The following VWA3B variants were observed in gnomAD, a reference collection of about 807,000 sequenced individuals.
VWA3B encodes von Willebrand factor A domain-containing protein 3B.
A neutral mutation model predicts 158.3 loss-of-function variants in VWA3B; 138 were observed. The ratio of observed to expected loss-of-function variants is 0.87; its 90% CI spans 0.76 to 1.00. The LOEUF is 1.00. Among genes scored for constraint, VWA3B ranks in the 50% least tolerant of loss-of-function variants. VWA3B has a pLI of 0.00. For synonymous variants in VWA3B, 596 were observed against 587.3 expected, an observed-to-expected ratio of 1.01 and a Z score of -0.21; for missense variants, 1,555 against 1,565.1, an observed-to-expected ratio of 0.99 and a Z score of 0.11.
intron 7 of VWA3B, among the ~76,000 whole-genome samples, chr2:98,160,007 TA>T (rs201978512): frequency 0.018 from 2,552 of 138,182 alleles, 48 homozygotes; most frequent in African/African-American, 0.054. Flanking sequence ...AAGAATCCAT[TA>T]AAAAAAAAAA....
chr2:98,261,680 T>C (rs1687488694), intron 21 of VWA3B, among the ~76,000 whole-genome samples: 1 of 151,764 alleles, frequency 6.6e-6, no homozygotes, highest in African/African-American at 2.4e-5. Context: ...AGATAGAGAA[T>C]TCTTGACTGA....
intron 21 of VWA3B, among the ~76,000 whole-genome samples, chr2:98,263,425 T>G (rs1464955720): frequency 6.6e-6 from 1 of 152,070 alleles, no homozygotes. Flanking sequence ...TTAGTATTCC[T>G]AGTTTGCTGA....
Position 98,194,477 on chromosome 2 carries a change from G to T in VWA3B, c.1722G>T (p.Trp574Cys). ...NEDNLEQAQS[W>C]IRDIKIGSST... The stretch of plus-strand genomic sequence containing the variant: ...ATAATTTGGAACAGGCTCAGTCCTG[G>T]ATTAGAGACATAAAGGTAAGTTGGA... The change falls in exon 12 of 28, where the codon TGG (tryptophan) becomes TGT (cysteine). Residue 574 changes from tryptophan (W) to cysteine (C), a missense_variant. Transcript: ENST00000477737. The T allele has an allele frequency of 6.2e-7, 1 of 1,613,954 alleles. No individual in the cohort carries two copies. Among genetic ancestry groups the T allele is most frequent in the Middle Eastern group, 1.6e-4 (1 of 6,062 alleles).
At chr2:98,296,224 G>T (rs10174263) in intron 23 of VWA3B, among the ~76,000 whole-genome samples, 1 of 152,232 alleles carries the variant, frequency 6.6e-6, no homozygotes, top group Non-Finnish European at 1.5e-5. Context: ...ACATGGGCCA[G>T]TGTGGCTGTA....
intron 7 of VWA3B, among the ~76,000 whole-genome samples, chr2:98,162,199 T>C (rs1323242775): frequency 7.0e-6 from 1 of 143,402 alleles, no homozygotes; most frequent in Admixed American, 6.9e-5. Flanking sequence ...TGCTGATCTG[T>C]TAGAGCCTGG....
intron 1 of VWA3B, among the ~76,000 whole-genome samples, chr2:98,092,675 C>CAAA: frequency 6.6e-6 from 1 of 151,554 alleles, no homozygotes; most frequent in African/African-American, 2.4e-5. Context: ...ACAACAACAA[C>CAAA]AACAAAGTAA....
Position 98,182,180 on chromosome 2 carries a change from A to T in VWA3B, c.1311+968A>T, listed in dbSNP as rs144403164. On this transcript the variant is annotated intron_variant, in intron 9 of 27. Transcript: ENST00000477737. ...AGGAGACACCTGGGAAAGAAAATCA[A>T]GGCCCCCCCCTCAAATGCAGTGTCA... 4.6e-3 allele frequency among the ~76,000 whole-genome samples: 703 copies of T among 152,308 alleles called. 4 individuals are homozygous for T. Among genetic ancestry groups the T allele is most frequent in the African/African-American group, 0.016 (668 of 41,556 alleles).
chr2:98,260,978 T>A (rs1464990275), intron 21 of VWA3B, among the ~76,000 whole-genome samples: 1 of 151,796 alleles, frequency 6.6e-6, no homozygotes, highest in Non-Finnish European at 1.5e-5. Context: ...TTTACCTCAT[T>A]CTGCCAGTCT....
chr2:98,133,874 C>T lies in VWA3B; in HGVS notation c.923C>T (p.Ser308Phe), dbSNP rs1395415850. The T allele has an allele frequency of 1.9e-6, 3 of 1,614,084 alleles. No individual in the cohort carries two copies. Among genetic ancestry groups the T allele is most frequent in the Non-Finnish European group, 2.5e-6 (3 of 1,180,026 alleles). Residue 308 changes from serine (S) to phenylalanine (F), a missense_variant, in exon 7 of 28, where the codon TCC (serine) becomes TTC (phenylalanine). Ser to Phe is a radical substitution (Grantham distance 155). Coordinates refer to ENST00000477737, the MANE Select transcript of VWA3B (RefSeq NM_144992.5). ...RTECVEFPAF[S>F]TKDGDNVMTW... Reference sequence around the variant, plus strand: ...GAGTGTGTAGAATTTCCTGCATTCTCCACAAAGGATGGTGACAATGTGATG... The same window carrying T: ...GAGTGTGTAGAATTTCCTGCATTCTTCACAAAGGATGGTGACAATGTGATG...
At position 98,156,699 on chromosome 2, in the gene VWA3B, A is replaced by G. The variant is rs1573930923; in HGVS notation, c.989-6152A>G. Among the ~76,000 whole-genome samples, 3 of 138,048 alleles carry G rather than the reference A, an allele frequency of 2.2e-5. 1 individual carries two copies. The allele number at this position is 138,048 out of a possible 152,430, so 90.6% of individuals were successfully genotyped here. On this transcript the variant is annotated intron_variant, in intron 7 of 27. Transcript: ENST00000477737. ...TTTTTTTTTTTTGTAAATTTGCTCT[A>G]AAGGAAACTCATAAAGTTCTTCTGA...
Position 98,311,926 on chromosome 2 carries a change from G to T in VWA3B, c.3629G>T (p.Arg1210Met). ...PRREKPRRKK[R>M]PAKQPLQQAA... ...CGAGAGAAGCCCAGGAGGAAAAAGA[G>T]GCCCGCCAAGCAGCCACTCCAGCAG... Residue 1210 changes from arginine to methionine, a missense_variant, in exon 27 of 28, where the codon AGG (arginine) becomes ATG (methionine). Transcript: ENST00000477737. 1 of 1,607,922 alleles carries T rather than the reference G, an allele frequency of 6.2e-7. No individual in the cohort carries two copies. The highest frequency in any genetic ancestry group is 8.5e-7 in the Non-Finnish European group (1 of 1,177,254).
At chr2:98,178,313 A>G (rs1482526469) in intron 8 of VWA3B, among the ~76,000 whole-genome samples, 1 of 152,190 alleles carries the variant, frequency 6.6e-6, no homozygotes, top group Non-Finnish European at 1.5e-5. Flanking sequence ...AAAGTTCAAA[A>G]TCCAGAACAA....
At chr2:98,272,230 C>A (rs1348878338) in intron 22 of VWA3B, among the ~76,000 whole-genome samples, 1 of 152,216 alleles carries the variant, frequency 6.6e-6, no homozygotes, top group Non-Finnish European at 1.5e-5. Flanking sequence ...TTGGGGTTCC[C>A]ACAACTCCCT....
At chr2:98,121,877 C>T (rs1305945195) in intron 5 of VWA3B, 1 of 163,194 alleles carries the variant, frequency 6.1e-6, no homozygotes, top group Non-Finnish European at 1.4e-5. Context: ...GATTGGAAGA[C>T]TCCTCATAGA....
intron 8 of VWA3B, among the ~76,000 whole-genome samples, chr2:98,169,715 C>CTGTGTGTGTGTG (rs61535424): frequency 1.0e-4 from 14 of 134,334 alleles, no homozygotes; most frequent in Admixed American, 4.5e-4. Context: ...CCTGGGCATT[C>CTGTGTGTGTGTG]TGTGTGTGTG....
chr2:98,132,781 A>C (rs1675978837), intron 6 of VWA3B, among the ~76,000 whole-genome samples: 4 of 152,226 alleles, frequency 2.6e-5, no homozygotes, highest in Non-Finnish European at 1.5e-5. Context: ...GACCAGGCTA[A>C]GAGTTCATTG....
intron 25 of VWA3B, among the ~76,000 whole-genome samples, chr2:98,302,438 T>C (rs546197564): frequency 6.6e-6 from 1 of 152,346 alleles, no homozygotes; most frequent in East Asian, 1.9e-4. Context: ...TGAACGACAT[T>C]CCTAATGGAA....
chr2:98,190,371 C>T (rs1454346659), intron 10 of VWA3B, among the ~76,000 whole-genome samples: 2 of 152,200 alleles, frequency 1.3e-5, no homozygotes, highest in African/African-American at 4.8e-5. Context: ...TTACACAATA[C>T]ATTCTAAACA....
chr2:98,143,733 CTTTCTTTTCT>C (rs1203449645), intron 7 of VWA3B, among the ~76,000 whole-genome samples: 1 of 147,750 alleles, frequency 6.8e-6, no homozygotes, highest in African/African-American at 2.5e-5. Context: ...GGAGCTTTAG[CTTTCTTTTCT>C]TTTCTTTTCT....
Sources: allele counts gnomAD v4.1 joint callset (sites outside exome capture counted in the v4.1 genomes callset), GRCh38; gene constraint gnomAD v4.1.1; transcripts MANE v1.5; gene names NCBI Gene and HGNC (gene_info 2026-07-23, HGNC 2026-07-21).